ADAM12: variants seen among roughly 807,000 people sequenced by gnomAD.
ADAM12 encodes disintegrin and metalloproteinase domain-containing protein 12.
ADAM12 carries 70 observed loss-of-function variants against 106.4 expected under a neutral mutation model. That is an observed-to-expected ratio of 0.66 (90% CI 0.54 to 0.80). The LOEUF (loss-of-function observed/expected upper bound fraction) is 0.80. Among genes scored for constraint, ADAM12 ranks in the 30% least tolerant of loss-of-function variants. The pLI is 0.00. For synonymous variants in ADAM12, 420 were observed against 433.5 expected, an observed-to-expected ratio of 0.97 and a Z score of 0.39; for missense variants, 1,010 against 1,171.9, an observed-to-expected ratio of 0.86 and a Z score of 2.02.
intron 3 of ADAM12, among the ~76,000 whole-genome samples, chr10:126,239,048 T>C (rs1004012703): frequency 6.6e-6 from 1 of 152,230 alleles, no homozygotes; most frequent in Admixed American, 6.5e-5. Context: ...TAAGTAGGCA[T>C]CTTGGGAGCT....
Position 126,383,123 on chromosome 10 carries a change from T to A in ADAM12, c.88+4935A>T, listed in dbSNP as rs143672198. On this transcript the variant is annotated intron_variant, in intron 1 of 22. Transcript: ENST00000448723. ...CCTTGCCCAGTTAATTTTTTAAAAA[T>A]TTTTTGTTGAGATGTGGTGGGGTTG... 5.1e-3 allele frequency among the ~76,000 whole-genome samples: 781 copies of A among 152,022 alleles called. 7 individuals are homozygous for A. Among genetic ancestry groups the A allele is most frequent in the African/African-American group, 0.018 (739 of 41,458 alleles).
intron 10 of ADAM12, 99 bp downstream of exon 10, chr10:126,098,317 A>G: frequency 1.1e-6 from 1 of 945,150 alleles, no homozygotes; most frequent in Non-Finnish European, 1.7e-6. Context: ...TCTAAAAAGC[A>G]TTAAAGGAAA....
At chr10:126,136,536 C>CAAA (rs1191974406) in intron 4 of ADAM12, among the ~76,000 whole-genome samples, 1 of 152,184 alleles carries the variant, frequency 6.6e-6, no homozygotes, top group East Asian at 1.9e-4. Context: ...AGGTGTTAGT[C>CAAA]TGTCTCCACT....
intron 3 of ADAM12, among the ~76,000 whole-genome samples, chr10:126,270,927 A>C (rs972307753): frequency 1.3e-5 from 2 of 152,160 alleles, no homozygotes; most frequent in African/African-American, 4.8e-5. Context: ...CTATTTAGAT[A>C]CCGTCAGGGC....
At chr10:126,135,118 A>G (rs12415748) in intron 5 of ADAM12, among the ~76,000 whole-genome samples, 2,891 of 152,242 alleles carry the variant, frequency 0.019, 71 homozygotes, top group Admixed American at 0.073. Flanking sequence ...CTACCAATCC[A>G]TGCCTCTATT....
At chr10:126,029,509 G>A (rs1215588887) in intron 21 of ADAM12, among the ~76,000 whole-genome samples, 2 of 152,136 alleles carry the variant, frequency 1.3e-5, no homozygotes, top group African/African-American at 4.8e-5. Flanking sequence ...AATACCCCAT[G>A]TTTTCACTTA....
intron 3 of ADAM12, among the ~76,000 whole-genome samples, chr10:126,161,479 C>T (rs1292517807): frequency 2.0e-5 from 3 of 152,162 alleles, no homozygotes; most frequent in Non-Finnish European, 4.4e-5. Context: ...GCAATATTGA[C>T]GGAGTGTTTG....
In ADAM12 at chr10:126,015,521, C is replaced by T. The variant is rs188519554; in HGVS notation, c.*1758G>A. The T allele has an allele frequency of 2.0e-5, 3 of 152,166 alleles. No individual in the cohort carries two copies. The highest frequency in any genetic ancestry group is 7.2e-5 in the African/African-American group (3 of 41,438). 9.4% of individuals were successfully genotyped at this position (152,166 alleles called of 1,614,324 possible). A position where few individuals can be genotyped will look rare whatever the true frequency, so the allele number is the denominator to read the frequency against. On this transcript the variant is annotated 3_prime_UTR_variant, in exon 23 of 23. Transcript: ENST00000448723. ...TTAATAACTATAGAATAAACAGATGCATGCTATACGAGTTGGAATGTATTA... is the reference window on the plus strand; with the variant it reads ...TTAATAACTATAGAATAAACAGATGTATGCTATACGAGTTGGAATGTATTA...
intron 3 of ADAM12, among the ~76,000 whole-genome samples, chr10:126,189,764 C>A (rs764414688): frequency 2.0e-5 from 3 of 152,034 alleles, no homozygotes; most frequent in Non-Finnish European, 4.4e-5. Flanking sequence ...AGCTGTCCCT[C>A]GCCTCAGTGG....
At chr10:126,235,716 G>T (rs1210323665) in intron 3 of ADAM12, among the ~76,000 whole-genome samples, 2 of 152,200 alleles carry the variant, frequency 1.3e-5, no homozygotes, top group Non-Finnish European at 2.9e-5. Context: ...GATTTCAAGG[G>T]AAGAAAGGGC....
At chr10:126,219,747 A>G (rs1590636343) in intron 3 of ADAM12, among the ~76,000 whole-genome samples, 1 of 152,226 alleles carries the variant, frequency 6.6e-6, no homozygotes, top group Non-Finnish European at 1.5e-5. Context: ...TAACGGGTAC[A>G]TTAATTAATG....
intron 3 of ADAM12, among the ~76,000 whole-genome samples, chr10:126,235,815 A>C (rs1958403469): frequency 6.6e-6 from 1 of 152,200 alleles, no homozygotes; most frequent in African/African-American, 2.4e-5. Context: ...TAGGAACAAA[A>C]GGGCCAAATC....
chr10:126,055,963 A>G lies in ADAM12; in HGVS notation c.1610-6294T>C, dbSNP rs969607233. Among the ~76,000 whole-genome samples, 4 of 152,174 alleles carry G rather than the reference A, an allele frequency of 2.6e-5. 1 individual carries two copies. The highest frequency in any genetic ancestry group is 1.3e-4 in the Admixed American group (2 of 15,280). ...TATTTGTATGCTTTTTGTTGCATCT[A>G]TACTGATTCAGGGAAAGAAATGAAA... On this transcript the variant is annotated intron_variant, in intron 14 of 22. Transcript: ENST00000448723.
intron 1 of ADAM12, among the ~76,000 whole-genome samples, chr10:126,347,674 CACTG>C (rs1264398294): frequency 6.6e-6 from 1 of 152,200 alleles, no homozygotes; most frequent in Non-Finnish European, 1.5e-5. Context: ...ATTTACTTAT[CACTG>C]AAATTGAGCC....
intron 5 of ADAM12, among the ~76,000 whole-genome samples, chr10:126,123,412 T>C (rs1015640336): frequency 2.6e-5 from 4 of 152,228 alleles, no homozygotes; most frequent in Non-Finnish European, 5.9e-5. Context: ...GGGGAAAAGA[T>C]GAGAAGAAAG....
chr10:126,135,644 T>C lies in ADAM12; in HGVS notation c.356A>G (p.His119Arg). The C allele has an allele frequency of 6.2e-7, 1 of 1,614,194 alleles. No individual in the cohort carries two copies. The highest frequency in any genetic ancestry group is 8.5e-7 in the Non-Finnish European group (1 of 1,179,976). The change falls in exon 5 of 23, where the codon CAT (histidine) becomes CGT (arginine). Residue 119 changes from histidine (H) to arginine (R), a missense_variant. By Grantham distance (29) the His-to-Arg change is conservative. Coordinates refer to ENST00000448723, the MANE Select transcript of ADAM12 (RefSeq NM_001288973.2). Reference sequence around the variant, plus strand: ...ATCAGAATATCCCCGTACATGTCCATGGTAGTAACAGTGACCCTAAAGGGG... The same window carrying C: ...ATCAGAATATCCCCGTACATGTCCACGGTAGTAACAGTGACCCTAAAGGGG... ...ARNYTGHCYYHGHVRGYSDSA... is the reference protein window; with the variant it reads ...ARNYTGHCYYRGHVRGYSDSA...
chr10:126,259,070 T>C (rs543479324), intron 3 of ADAM12, among the ~76,000 whole-genome samples: 91 of 152,308 alleles, frequency 6.0e-4, no homozygotes, highest in East Asian at 3.7e-3. Context: ...ATATTTCCTA[T>C]GCCTTAGACT....
intron 2 of ADAM12, among the ~76,000 whole-genome samples, chr10:126,326,723 C>T (rs1288697906): frequency 6.6e-6 from 1 of 152,000 alleles, no homozygotes; most frequent in South Asian, 2.1e-4. Context: ...CATGGCTGTT[C>T]TACCTTGTCA....
Position 126,371,864 on chromosome 10 carries a change from C to T in ADAM12, c.88+16194G>A, listed in dbSNP as rs1368851037. ...GCTGAAGGCTAGGAAAATTCATGCC[C>T]CTGGCCTGGGCATCTGCTACCATTC... On this transcript the variant is annotated intron_variant, in intron 1 of 22. Transcript: ENST00000448723. 2.6e-5 allele frequency among the ~76,000 whole-genome samples: 4 copies of T among 152,196 alleles called. No homozygotes were observed. In the South Asian group the frequency reaches 6.2e-4, roughly 24 times the overall value.
Sources: allele counts gnomAD v4.1 joint callset (sites outside exome capture counted in the v4.1 genomes callset), GRCh38; gene constraint gnomAD v4.1.1; transcripts MANE v1.5; gene names NCBI Gene and HGNC (gene_info 2026-07-23, HGNC 2026-07-21).